Variants in MYT1L observed in about 807,000 individuals in gnomAD.
The protein encoded by MYT1L is myelin transcription factor 1 like, also known as myelin transcription factor 1-like protein.
Under a neutral mutation model 126.7 loss-of-function variants are expected in MYT1L, and 12 were observed. That is an observed-to-expected ratio of 0.09 (90% confidence interval 0.06 to 0.15). The LOEUF is 0.15. Among genes scored for constraint, MYT1L ranks in the 10% least tolerant of loss-of-function variants. The probability of loss-of-function intolerance (pLI) is 1.00; values close to 1 mark genes in which losing one functional copy is unlikely to be tolerated. For missense variants in MYT1L, 979 were observed against 1,585.2 expected (o/e 0.62, Z 6.49); for synonymous variants, 541 against 604.2 (o/e 0.90, Z 1.53).
At chr2:2,073,484 C>T (rs1432885295) in intron 3 of MYT1L, among the ~76,000 whole-genome samples, 4 of 152,132 alleles carry the variant, frequency 2.6e-5, no homozygotes, top group East Asian at 1.9e-4. Context: ...AGGCTTTCCT[C>T]TCTCTCCTAC....
intron 14 of MYT1L, among the ~76,000 whole-genome samples, chr2:1,902,111 C>T (rs1252474156): frequency 3.9e-5 from 6 of 152,188 alleles, no homozygotes; most frequent in Non-Finnish European, 8.8e-5. Flanking sequence ...TACGTCTATA[C>T]AGCCTAGAAT....
intron 3 of MYT1L, among the ~76,000 whole-genome samples, chr2:2,085,983 G>A (rs2076317011): frequency 6.6e-6 from 1 of 152,170 alleles, no homozygotes; most frequent in South Asian, 2.1e-4. Flanking sequence ...TCAACCTACC[G>A]CTAGTATTTC....
At chr2:2,132,689 A>G (rs1285781916) in intron 3 of MYT1L, among the ~76,000 whole-genome samples, 2 of 152,204 alleles carry the variant, frequency 1.3e-5, no homozygotes, top group Non-Finnish European at 2.9e-5. Flanking sequence ...ATATATACCT[A>G]TGTAACAAAC....
intron 11 of MYT1L, among the ~76,000 whole-genome samples, chr2:1,915,897 G>C (rs1437689808): frequency 6.6e-6 from 1 of 152,176 alleles, no homozygotes; most frequent in Non-Finnish European, 1.5e-5. Flanking sequence ...GAATGAAAGG[G>C]GGGGTGTTGC....
intron 1 of MYT1L, chr2:2,326,943 G>A (rs1057483510): frequency 6.6e-6 from 1 of 152,144 alleles, no homozygotes; most frequent in African/African-American, 2.4e-5. Context: ...GGGCAGAAGA[G>A]AGAGAAAGGA....
intron 3 of MYT1L, among the ~76,000 whole-genome samples, chr2:2,115,748 G>A (rs893449667): frequency 7.2e-5 from 11 of 152,358 alleles, no homozygotes; most frequent in South Asian, 4.1e-4. Context: ...CGGGAGTGTC[G>A]GGGTGGGGAC....
At chr2:2,190,482 T>C (rs1361312558) in intron 2 of MYT1L, among the ~76,000 whole-genome samples, 1 of 148,984 alleles carries the variant, frequency 6.7e-6, no homozygotes, top group Non-Finnish European at 1.5e-5. Context: ...CCTTTAGACT[T>C]CCTGGGGATC....
At chr2:2,303,723 C>T (rs1483623002) in intron 1 of MYT1L, 1 of 152,268 alleles carries the variant, frequency 6.6e-6, no homozygotes, top group Non-Finnish European at 1.5e-5. Context: ...ACCAAACAAA[C>T]CAAGGGCCGG....
chr2:2,313,999 G>T (rs894192042), intron 1 of MYT1L, among the ~76,000 whole-genome samples: 1 of 152,126 alleles, frequency 6.6e-6, no homozygotes, highest in African/African-American at 2.4e-5. Flanking sequence ...TAGCAAAGGA[G>T]AAATAACTAT....
intron 3 of MYT1L, among the ~76,000 whole-genome samples, chr2:2,094,704 T>C (rs914416891): frequency 1.4e-5 from 2 of 141,338 alleles, no homozygotes; most frequent in Non-Finnish European, 3.0e-5. Flanking sequence ...TTCTCACTCA[T>C]AGGTGGTAAT....
intron 1 of MYT1L, among the ~76,000 whole-genome samples, chr2:2,322,831 T>C (rs1164714586): frequency 6.6e-6 from 1 of 152,134 alleles, no homozygotes; most frequent in African/African-American, 2.4e-5. Context: ...AATGAGAAAA[T>C]AATGGAACTA....
At chr2:1,826,820 C>T (rs2039418577) in intron 21 of MYT1L, 1 of 136,378 alleles carries the variant, frequency 7.3e-6, no homozygotes, top group Admixed American at 8.5e-5. Context: ...GCCAGTTTTC[C>T]ACAGGAGTGG....
rs1215780524 is a variant in MYT1L at position 1,922,902 on chromosome 2, C to T, written c.867G>A (p.Met289Ile). The part of the protein sequence containing the change: ...NMNDRNYADS[M>I]SQQDSRNMNY... The stretch of plus-strand genomic sequence containing the variant: ...TCATATTTCTACTGTCTTGCTGCGA[C>T]ATGCTGTCTGCATAATTTCTGTCAT... Residue 289 changes from methionine (M) to isoleucine (I), a missense_variant, in exon 10 of 25, where the codon ATG becomes ATA. Met to Ile is a conservative substitution (Grantham distance 10). Around this residue, in one of 12 missense-constraint regions of MYT1L, gnomAD observed 243 missense variants for 363.9 expected, o/e 0.67. Coordinates refer to ENST00000647738, the MANE Select transcript of MYT1L (RefSeq NM_001303052.2). The surrounding 1 kb of genome is among the most constrained non-coding windows in gnomAD (Gnocchi z 7.4). 6.2e-7 allele frequency: 1 copy of T among 1,613,936 alleles called. No homozygotes were observed. The highest frequency in any genetic ancestry group is 1.3e-5 in the African/African-American group (1 of 74,940).
At chr2:1,799,763 C>A (rs914217091) in intron 23 of MYT1L, among the ~76,000 whole-genome samples, 2 of 152,196 alleles carry the variant, frequency 1.3e-5, no homozygotes, top group East Asian at 3.9e-4. Flanking sequence ...AATCTCACCT[C>A]GAATTATAAT....
intron 3 of MYT1L, among the ~76,000 whole-genome samples, chr2:2,065,541 T>G (rs1255308350): frequency 6.6e-6 from 1 of 152,004 alleles, no homozygotes; most frequent in East Asian, 1.9e-4. Flanking sequence ...TTAATCACCC[T>G]CCCCTAACCT....
chr2:2,267,713 T>A (rs999443987), intron 2 of MYT1L, among the ~76,000 whole-genome samples: 2 of 152,086 alleles, frequency 1.3e-5, no homozygotes, highest in African/African-American at 4.8e-5. Context: ...CAGGGTGTGC[T>A]GAGCTCAAGG....
intron 9 of MYT1L, among the ~76,000 whole-genome samples, chr2:1,925,335 G>T (rs1331579043): frequency 1.3e-5 from 2 of 152,220 alleles, no homozygotes; most frequent in Non-Finnish European, 2.9e-5. Flanking sequence ...CAAAAAGCCT[G>T]CAGGGGGAAC....
intron 10 of MYT1L, among the ~76,000 whole-genome samples, chr2:1,920,030 G>C (rs114144859): frequency 0.014 from 2,059 of 152,232 alleles, 53 homozygotes; most frequent in African/African-American, 0.047. Flanking sequence ...CATGTATTTG[G>C]TTCTGAATAT....
At chr2:2,262,508 C>G (rs1005023411) in intron 2 of MYT1L, among the ~76,000 whole-genome samples, 1 of 151,882 alleles carries the variant, frequency 6.6e-6, no homozygotes, top group African/African-American at 2.4e-5. Context: ...CAGGCTAACA[C>G]AGTGAAACCC....
Sources: allele counts gnomAD v4.1 joint callset (sites outside exome capture counted in the v4.1 genomes callset), GRCh38; gene constraint gnomAD v4.1.1; regional missense constraint gnomAD v4.1.1; non-coding constraint Gnocchi (gnomAD v3.1); transcripts MANE v1.5; gene names NCBI Gene and HGNC (gene_info 2026-07-23, HGNC 2026-07-21).